GADD45A: variants seen among roughly 807,000 people sequenced by gnomAD.
GADD45A encodes the protein growth arrest and DNA damage inducible alpha.
A neutral mutation model predicts 17.7 loss-of-function variants in GADD45A; 9 were observed. That is an observed-to-expected ratio of 0.51 (90% CI 0.31 to 0.89). The LOEUF is 0.89. Among genes scored for constraint, GADD45A ranks in the 40% least tolerant of loss-of-function variants. The probability of loss-of-function intolerance (pLI) is 0.05; values close to 1 mark genes in which losing one functional copy is unlikely to be tolerated. For missense variants in GADD45A, 149 were observed against 220.6 expected (o/e 0.68, Z 2.06); for synonymous variants, 95 against 92.2 (o/e 1.03, Z -0.17).
In GADD45A at chr1:67,687,567, AAT is replaced by A. The variant is rs1236765648; in HGVS notation, c.385-90_385-89del. 3.8e-6 allele frequency: 3 copies of A among 790,024 alleles called. No individual in the cohort carries two copies. In the African/African-American group the frequency reaches 5.3e-5, roughly 14 times the overall value. The allele number at this position is 790,024 out of a possible 1,614,324, so 48.9% of individuals were successfully genotyped here. On this transcript the variant is annotated intron_variant, in intron 3 of 3. Transcript: ENST00000370986. ...ATTTGTCTCCATGTCACATAGCCAA[AAT>A]ATAGAATGTTCAAGTGTTTTCTCCT...
At position 67,687,741 on chromosome 1, in the gene GADD45A, A is replaced by G. The variant is rs748179321; in HGVS notation, c.465A>G (p.Gln155=). Reference sequence around the variant, plus strand: ...GCCGGGAAAGTCGCTACATGGATCAATGGGTTCCAGTGATTAATCTCCCTG... The same window carrying G: ...GCCGGGAAAGTCGCTACATGGATCAGTGGGTTCCAGTGATTAATCTCCCTG... The part of the protein sequence containing the change: ...CFCRESRYMD[Q]WVPVINLPER Residue 155 remains glutamine, a synonymous_variant, in exon 4 of 4, where the codon CAA becomes CAG. Coordinates refer to ENST00000370986, the MANE Select transcript of GADD45A (RefSeq NM_001924.4). The G allele has an allele frequency of 1.1e-5, 18 of 1,611,718 alleles. No individual in the cohort carries two copies. The highest frequency in any genetic ancestry group is 1.9e-4 in the Middle Eastern group (1 of 5,272).
At position 67,688,041 on chromosome 1, in the gene GADD45A, A is replaced by G; in HGVS notation, c.*267A>G. The G allele has an allele frequency of 2.8e-6, 1 of 357,876 alleles. No homozygotes were observed. Among genetic ancestry groups the G allele is most frequent in the Non-Finnish European group, 5.1e-6 (1 of 196,832 alleles). The allele number at this position is 357,876 out of a possible 1,614,324, so 22.2% of individuals were successfully genotyped here. ...TTACAAAGAACCATGCAGGAAGGAA[A>G]ACTATGTATTAATTTAGAATGGTTG... On this transcript the variant is annotated 3_prime_UTR_variant, in exon 4 of 4. Transcript: ENST00000370986.
At chr1:67,687,293 A>G (rs1205340762) in intron 3 of GADD45A, among the ~76,000 whole-genome samples, 2 of 152,098 alleles carry the variant, frequency 1.3e-5, no homozygotes, top group African/African-American at 2.4e-5. Context: ...CTCTCATCTC[A>G]TTGTGCACAC....
intron 2 of GADD45A, 25 bp from the exon 3 acceptor site, chr1:67,686,325 C>G (rs766342770): frequency 3.7e-6 from 6 of 1,601,818 alleles, no homozygotes; most frequent in Non-Finnish European, 5.1e-6. Flanking sequence ...CTTCTGCGCT[C>G]ACTGGCCCCG....
At chr1:67,685,979 G>C (rs762253469) in intron 1 of GADD45A, 46 bp from the exon 2 acceptor site, 2 of 1,351,190 alleles carry the variant, frequency 1.5e-6, no homozygotes, top group Non-Finnish European at 2.1e-6. Flanking sequence ...CGATGGCCCC[G>C]AGGGCACCGG....
At chr1:67,686,195 G>C in intron 2 of GADD45A, 69 bp downstream of exon 2, 1 of 1,424,522 alleles carries the variant, frequency 7.0e-7, no homozygotes, top group Non-Finnish European at 9.7e-7. Context: ...CGCCTTGGCT[G>C]GGCGCCCCTC....
intron 1 of GADD45A, 44 bp from the exon 2 acceptor site, chr1:67,685,972 TGGCCCCGAG>T (rs1646130125): frequency 1.7e-6 from 2 of 1,205,136 alleles, no homozygotes; most frequent in Middle Eastern, 1.9e-4. Context: ...GGGGCGGCGA[TGGCCCCGAG>T]GGCACCGGGG....
At position 67,686,539 on chromosome 1, in the gene GADD45A, G is replaced by A; in HGVS notation, c.336G>A (p.Ala112=). 1 of 1,612,420 alleles carries A rather than the reference G, an allele frequency of 6.2e-7. No homozygotes were observed. The highest frequency in any genetic ancestry group is 8.5e-7 in the Non-Finnish European group (1 of 1,179,366). ...TGGAGACCGACGCTGGCCCCGCGGC[G>A]AGCGAGGGCGCCGAGCAGCCCCCGG... ...LLLETDAGPA[A]SEGAEQPPDL... The change falls in exon 3 of 4, where the codon GCG becomes GCA. Residue 112 remains alanine (A), a synonymous_variant. Coordinates refer to ENST00000370986, the MANE Select transcript of GADD45A (RefSeq NM_001924.4).
chr1:67,685,867 G>C (rs1351292628), intron 1 of GADD45A, 158 bp from the exon 2 acceptor site: 2 of 602,918 alleles, frequency 3.3e-6, no homozygotes, highest in East Asian at 5.9e-5. Context: ...GGGGTCATGG[G>C]GGGTGACGGG....
chr1:67,685,719 C>T, intron 1 of GADD45A, 181 bp downstream of exon 1: 2 of 662,680 alleles, frequency 3.0e-6, no homozygotes, highest in Non-Finnish European at 5.2e-6. Context: ...AGCGTGCCCC[C>T]CAACCCGAAC....
chr1:67,685,655 A>G (rs1272864112), intron 1 of GADD45A, 117 bp downstream of exon 1: 14 of 991,268 alleles, frequency 1.4e-5, no homozygotes, highest in Non-Finnish European at 2.0e-5. Flanking sequence ...TGCACAGGGC[A>G]ACTCCCGCCC....
At position 67,687,894 on chromosome 1, in the gene GADD45A, G is replaced by T; in HGVS notation, c.*120G>T. On this transcript the variant is annotated 3_prime_UTR_variant, in exon 4 of 4. Transcript: ENST00000370986. ...GGATTACAGAAACTGATGCCAAGGG[G>T]CTGAGTGAGTTCAACTACATGTTCT... 3.0e-6 allele frequency: 2 copies of T among 657,214 alleles called. No homozygotes were observed. The highest frequency in any genetic ancestry group is 2.7e-6 in the Non-Finnish European group (1 of 369,712). 40.7% of individuals were successfully genotyped at this position (657,214 alleles called of 1,614,324 possible).
rs773795188 is a variant in GADD45A, at chr1:67,687,705, T to C, written c.429T>C (p.Leu143=). 8 of 1,613,344 alleles carry C rather than the reference T, an allele frequency of 5.0e-6. No homozygotes were observed. The East Asian group carries it at 1.8e-4, about 36-fold the overall frequency. ...GGAAGGATCCTGCCTTAAGTCAACT[T>C]ATTTGTTTTTGCCGGGAAAGTCGCT... ...SQWKDPALSQ[L]ICFCRESRYM... is the part of the protein sequence containing the mutation. The change falls in exon 4 of 4, where the codon CTT becomes CTC. Residue 143 remains leucine, a synonymous_variant. Transcript: ENST00000370986.
In GADD45A at chr1:67,686,551, C is replaced by T; in HGVS notation, c.348C>T (p.Ala116=). ...TDAGPAASEG[A]EQPPDLHCVL... ...CTGGCCCCGCGGCGAGCGAGGGCGC[C>T]GAGCAGCCCCCGGACCTGCACTGCG... is the stretch of plus-strand genomic sequence containing the variant. Residue 116 remains alanine (A), a synonymous_variant, in exon 3 of 4, where the codon GCC becomes GCT. Transcript: ENST00000370986. 6.2e-7 allele frequency: 1 copy of T among 1,612,126 alleles called. No individual in the cohort carries two copies. The highest frequency in any genetic ancestry group is 8.5e-7 in the Non-Finnish European group (1 of 1,179,184).
Position 67,685,262 on chromosome 1 carries a change from A to T in GADD45A, c.-233A>T, listed in dbSNP as rs1378167400. On this transcript the variant is annotated 5_prime_UTR_variant, in exon 1 of 4. Coordinates refer to ENST00000370986, the MANE Select transcript of GADD45A (RefSeq NM_001924.4). ...AATTAGTGTCGTGCGGCCCGTGGCG[A>T]GGCGAGGTCCGGGGAGCGAGCGAGC... 1 of 502,912 alleles carries T rather than the reference A, an allele frequency of 2.0e-6. No homozygotes were observed. Among genetic ancestry groups the T allele is most frequent in the Non-Finnish European group, 3.5e-6 (1 of 287,336 alleles). 31.2% of individuals were successfully genotyped at this position (502,912 alleles called of 1,614,324 possible).
chr1:67,687,363 C>G (rs1646142819), intron 3 of GADD45A, among the ~76,000 whole-genome samples: 1 of 152,132 alleles, frequency 6.6e-6, no homozygotes, highest in South Asian at 2.1e-4. Context: ...TTTGGTAGAG[C>G]AAACCGGTGA....
chr1:67,685,590 G>T (rs1373445451), intron 1 of GADD45A, 52 bp downstream of exon 1: 1 of 1,554,064 alleles, frequency 6.4e-7, no homozygotes, highest in Non-Finnish European at 8.8e-7. Context: ...CCTACCCCGC[G>T]CTCCCCGGTG....
chr1:67,685,422 C>CGCCCGCGCGCTAGCCGTGGCAGGAGCA lies in GADD45A; in HGVS notation c.-66_-40dup. The CGCCCGCGCGCTAGCCGTGGCAGGAGCA allele has an allele frequency of 6.8e-7, 1 of 1,461,830 alleles. No homozygotes were observed. 90.6% of individuals were successfully genotyped at this position (1,461,830 alleles called of 1,614,324 possible). ...CCTGTGAGTGAGTGCAGAAAGCAGG[C>CGCCCGCGCGCTAGCCGTGGCAGGAGCA]GCCCGCGCGCTAGCCGTGGCAGGAG... On this transcript the variant is annotated 5_prime_UTR_variant, in exon 1 of 4. Transcript: ENST00000370986.
At position 67,685,323 on chromosome 1, in the gene GADD45A, C is replaced by T. The variant is rs1646124659; in HGVS notation, c.-172C>T. ...GGAGGGGTGGCCGGAGCTGCGGCGG[C>T]TGGCACAGGAGGAGGAGCCCGGGCG... On this transcript the variant is annotated 5_prime_UTR_variant, in exon 1 of 4. Coordinates refer to ENST00000370986, the MANE Select transcript of GADD45A (RefSeq NM_001924.4). 3 of 561,280 alleles carry T rather than the reference C, an allele frequency of 5.3e-6. No individual in the cohort carries two copies. In the South Asian group the frequency reaches 6.8e-5, roughly 13 times the overall value. 34.8% of individuals were successfully genotyped at this position (561,280 alleles called of 1,614,324 possible).
Sources: allele counts gnomAD v4.1 joint callset (sites outside exome capture counted in the v4.1 genomes callset), GRCh38; gene constraint gnomAD v4.1.1; transcripts MANE v1.5; gene names NCBI Gene and HGNC (gene_info 2026-07-23, HGNC 2026-07-21).